TDP1: variants seen among roughly 807,000 people sequenced by gnomAD.
TDP1 encodes the protein tyr-DNA phosphodiesterase 1.
A neutral mutation model predicts 81.5 loss-of-function variants in TDP1; 64 were observed. That is an observed-to-expected ratio of 0.79 (90% confidence interval 0.64 to 0.97). The LOEUF is 0.97. TDP1 is among the 50% of genes least tolerant of loss of function. The pLI is 0.00. For missense variants in TDP1, 723 were observed against 743.8 expected (o/e 0.97, Z 0.33); for synonymous variants, 256 against 264.3 (o/e 0.97, Z 0.30).
At chr14:90,004,564 C>T (rs1897479149) in intron 14 of TDP1, among the ~76,000 whole-genome samples, 1 of 152,134 alleles carries the variant, frequency 6.6e-6, no homozygotes, top group Non-Finnish European at 1.5e-5. Context: ...AGCTGGGAAG[C>T]AGGAAGAGCT....
chr14:89,993,258 C>T (rs1017503827), intron 13 of TDP1, 118 bp from the exon 14 acceptor site: 47 of 1,265,858 alleles, frequency 3.7e-5, no homozygotes, highest in Admixed American at 2.6e-4. Flanking sequence ...GTCACAGAGT[C>T]GTGTAGCCAC....
intron 4 of TDP1, 44 bp downstream of exon 4, chr14:89,966,234 C>T: frequency 4.6e-6 from 6 of 1,317,310 alleles, no homozygotes; most frequent in Non-Finnish European, 6.6e-6. Flanking sequence ...TGAAAGTAGA[C>T]AGGTAATTAA....
intron 12 of TDP1, 74 bp downstream of exon 12, chr14:89,989,839 A>C: frequency 1.7e-6 from 2 of 1,202,924 alleles, no homozygotes; most frequent in South Asian, 2.4e-5. Flanking sequence ...TTTTACTACT[A>C]TTGCGTAGAA....
Position 89,967,423 on chromosome 14 carries a change from G to A in TDP1, c.659+1G>A. On this transcript the variant is annotated splice_donor_variant, in intron 5 of 16. Coordinates refer to ENST00000335725, the MANE Select transcript of TDP1 (RefSeq NM_018319.4). LOFTEE classifies it high-confidence loss of function. ...TAAAACAGTATCCACCAGAGTTCAG[G>A]TGAGTTCCTCAGGGTGACAGACAAC... The A allele has an allele frequency of 6.2e-7, 1 of 1,613,868 alleles. No homozygotes were observed. Among genetic ancestry groups the A allele is most frequent in the Non-Finnish European group, 8.5e-7 (1 of 1,179,764 alleles).
At chr14:89,978,364 T>G (rs181619248) in intron 7 of TDP1, among the ~76,000 whole-genome samples, 1 of 152,376 alleles carries the variant, frequency 6.6e-6, no homozygotes, top group East Asian at 1.9e-4. Context: ...TCTTCTGTAT[T>G]GCTGTGAAGA....
Position 90,017,452 on chromosome 14 carries a change from A to G in TDP1, c.1542-1864A>G, listed in dbSNP as rs143096015. On this transcript the variant is annotated intron_variant, in intron 14 of 16. Coordinates refer to ENST00000335725, the MANE Select transcript of TDP1 (RefSeq NM_018319.4). ...TTTCTAAGGTTCCAAATGCTTAGAAATCTGTTACAAGCCAAATAAAAGGAG... is the reference window on the plus strand; with the variant it reads ...TTTCTAAGGTTCCAAATGCTTAGAAGTCTGTTACAAGCCAAATAAAAGGAG... 3.3e-3 allele frequency among the ~76,000 whole-genome samples: 501 copies of G among 152,348 alleles called. 5 individuals are homozygous for G. Among genetic ancestry groups the G allele is most frequent in the African/African-American group, 0.01 (423 of 41,584 alleles).
At position 89,984,575 on chromosome 14, in the gene TDP1, C is replaced by T. The variant is rs759700086; in HGVS notation, c.944C>T (p.Ser315Leu). ...GATGGAACCCACAAATCTGGAGAGT[C>T]GCCAACACATTTTAAAGCTGATCTC... is the stretch of plus-strand genomic sequence containing the variant. ...IADGTHKSGESPTHFKADLIS... is the reference protein window; with the variant it reads ...IADGTHKSGELPTHFKADLIS... The change falls in exon 9 of 17, where the codon TCG (serine) becomes TTG (leucine). Residue 315 changes from serine (S) to leucine (L), a missense_variant. Transcript: ENST00000335725. 5 of 1,614,084 alleles carry T rather than the reference C, an allele frequency of 3.1e-6. No homozygotes were observed. The highest frequency in any genetic ancestry group is 3.4e-6 in the Non-Finnish European group (4 of 1,180,010).
At chr14:90,013,301 A>G (rs1458207749) in intron 14 of TDP1, among the ~76,000 whole-genome samples, 1 of 152,112 alleles carries the variant, frequency 6.6e-6, no homozygotes, top group Admixed American at 6.5e-5. Context: ...TCCTCACCCA[A>G]ATGTCATCTT....
chr14:90,020,366 C>CCCTCCCTG (rs1432908055), intron 15 of TDP1, among the ~76,000 whole-genome samples: 2 of 137,800 alleles, frequency 1.5e-5, no homozygotes, highest in African/African-American at 5.7e-5. Flanking sequence ...CTCCCTCCCT[C>CCCTCCCTG]CCTCCCTCCC....
At chr14:90,010,392 G>T (rs1307254544) in intron 14 of TDP1, among the ~76,000 whole-genome samples, 1 of 152,222 alleles carries the variant, frequency 6.6e-6, no homozygotes, top group African/African-American at 2.4e-5. Context: ...CAGAATAATG[G>T]CCACCCAAAG....
chr14:90,033,775 A>T (rs1024164691), intron 16 of TDP1, among the ~76,000 whole-genome samples: 2 of 152,218 alleles, frequency 1.3e-5, no homozygotes, highest in African/African-American at 4.8e-5. Flanking sequence ...ATTGTAACGT[A>T]CATTTATGCC....
intron 8 of TDP1, 158 bp downstream of exon 8, chr14:89,980,790 C>A: frequency 1.5e-6 from 1 of 665,470 alleles, no homozygotes; most frequent in Non-Finnish European, 2.6e-6. Context: ...TTACTGTATT[C>A]TTTTACTACC....
intron 8 of TDP1, among the ~76,000 whole-genome samples, chr14:89,982,608 C>CT: frequency 6.6e-6 from 1 of 151,964 alleles, no homozygotes; most frequent in Admixed American, 6.6e-5. Flanking sequence ...GGGGTGGTTG[C>CT]CAGGAGGGAA....
intron 15 of TDP1, among the ~76,000 whole-genome samples, chr14:90,023,774 C>T (rs1566920083): frequency 6.6e-6 from 1 of 152,134 alleles, no homozygotes; most frequent in Non-Finnish European, 1.5e-5. Context: ...CAGGCTCAAG[C>T]AGTCCTCCCA....
At chr14:89,992,853 G>C (rs1489430913) in intron 13 of TDP1, 1 of 798,124 alleles carries the variant, frequency 1.3e-6, no homozygotes, top group African/African-American at 1.9e-5. Flanking sequence ...CTGCAATATT[G>C]GAAACTTAGA....
At chr14:90,008,573 TAAG>T (rs1465369185) in intron 14 of TDP1, among the ~76,000 whole-genome samples, 1 of 152,166 alleles carries the variant, frequency 6.6e-6, no homozygotes, top group Non-Finnish European at 1.5e-5. Flanking sequence ...ATCTAATAGT[TAAG>T]AATGAAAATA....
intron 15 of TDP1, chr14:90,022,684 T>C (rs1417406358): frequency 4.4e-6 from 4 of 913,158 alleles, no homozygotes; most frequent in Non-Finnish European, 5.2e-6. Context: ...TAGGAGACTT[T>C]ATCTTAAAGT....
chr14:90,020,185 C>T (rs1192297952), intron 15 of TDP1, among the ~76,000 whole-genome samples: 1 of 152,140 alleles, frequency 6.6e-6, no homozygotes, highest in East Asian at 1.9e-4. Flanking sequence ...CCATCTGTTT[C>T]TCTAAATGCT....
chr14:89,962,814 G>C lies in TDP1; in HGVS notation c.-7-294G>C, dbSNP rs747441718. The C allele has an allele frequency of 6.7e-6, 4 of 592,876 alleles. No homozygotes were observed. In the African/African-American group the frequency reaches 8.1e-5, roughly 12 times the overall value. 36.7% of individuals were successfully genotyped at this position (592,876 alleles called of 1,614,324 possible). On this transcript the variant is annotated intron_variant, in intron 2 of 16. Transcript: ENST00000335725. ...TTGAGCCCAGGAGGCAGATGTTGCAGTCAGCTGAGATTGAACCACTGCACC... is the reference window on the plus strand; with the variant it reads ...TTGAGCCCAGGAGGCAGATGTTGCACTCAGCTGAGATTGAACCACTGCACC...
Sources: gnomAD v4.1 joint callset for allele counts (sites outside exome capture counted in the v4.1 genomes callset) on GRCh38, gnomAD v4.1.1 for gene constraint, MANE v1.5 for transcripts, NCBI Gene and HGNC (gene_info 2026-07-23, HGNC 2026-07-21) for gene names.